PLD5: variants seen among roughly 807,000 people sequenced by gnomAD.
The protein encoded by PLD5 is inactive phospholipase D5.
PLD5 carries 36 observed loss-of-function variants against 61.1 expected under a neutral mutation model. The observed-to-expected ratio is 0.59, with a 90% confidence interval of 0.45 to 0.78. The LOEUF is 0.78. Ranked by LOEUF, PLD5 falls within the 30% of genes least tolerant of loss-of-function variation. PLD5 has a pLI of 0.00. For synonymous variants in PLD5, 243 were observed against 242.8 expected (o/e 1.00, Z -0.01); for missense variants, 515 against 644.4 (o/e 0.80, Z 2.17).
chr1:242,421,903 A>C (rs1558552878), intron 1 of PLD5, among the ~76,000 whole-genome samples: 1 of 152,368 alleles, frequency 6.6e-6, no homozygotes, highest in South Asian at 2.1e-4. Flanking sequence ...GTTTAACAGT[A>C]TGTGTCCAGA....
At chr1:242,488,804 T>A (rs1387565252) in intron 1 of PLD5, among the ~76,000 whole-genome samples, 1 of 152,164 alleles carries the variant, frequency 6.6e-6, no homozygotes, top group African/African-American at 2.4e-5. Context: ...ATGCAAGATA[T>A]TAATGATAAG....
intron 1 of PLD5, among the ~76,000 whole-genome samples, chr1:242,505,060 G>A (rs1390180997): frequency 6.6e-6 from 1 of 152,210 alleles, no homozygotes; most frequent in Non-Finnish European, 1.5e-5. Context: ...AGGAGGCTGA[G>A]GTGGGAGGAT....
chr1:242,351,442 G>T (rs543269844), intron 1 of PLD5, among the ~76,000 whole-genome samples: 1 of 152,272 alleles, frequency 6.6e-6, no homozygotes, highest in Admixed American at 6.5e-5. Context: ...ATGGGGGTCG[G>T]TTTTTCCCAT....
rs763708663 is a variant in PLD5, at chr1:242,089,878, G to A, written c.1587C>T (p.Gly529=). ...GTTATACGTTCCGGGGATCCTTTCCGCCTGTGTCGTCTGTGGCAGTTTTGT... is the reference window on the plus strand; with the variant it reads ...GTTATACGTTCCGGGGATCCTTTCCACCTGTGTCGTCTGTGGCAGTTTTGT... ...LSNKTATDDT[G]GKDPRNV The change falls in exon 10 of 10, where the codon GGC becomes GGT. Residue 529 remains glycine, a synonymous_variant. Coordinates refer to ENST00000536534, the MANE Select transcript of PLD5 (RefSeq NM_001372062.1). 20 of 1,613,952 alleles carry A rather than the reference G, an allele frequency of 1.2e-5. No homozygotes were observed. The highest frequency in any genetic ancestry group is 5.3e-5 in the African/African-American group (4 of 74,886).
intron 1 of PLD5, among the ~76,000 whole-genome samples, chr1:242,421,667 T>C (rs772808115): frequency 1.3e-5 from 2 of 152,216 alleles, no homozygotes; most frequent in Non-Finnish European, 2.9e-5. Flanking sequence ...TGGGAAGTTT[T>C]TAGATGGCAG....
chr1:242,089,821 AT>A lies in PLD5; in HGVS notation c.*32del. On this transcript the variant is annotated 3_prime_UTR_variant, in exon 10 of 10. Coordinates refer to ENST00000536534, the MANE Select transcript of PLD5 (RefSeq NM_001372062.1). ...CAAGTCCTTTATGTATAAATATGAA[AT>A]ACAGAGCTGTCCTGTCAGTTTCTTC... The A allele has an allele frequency of 6.2e-7, 1 of 1,612,242 alleles. No homozygotes were observed. Among genetic ancestry groups the A allele is most frequent in the Non-Finnish European group, 8.5e-7 (1 of 1,178,422 alleles).
chr1:242,427,224 T>C (rs1349746314), intron 1 of PLD5, among the ~76,000 whole-genome samples: 1 of 152,166 alleles, frequency 6.6e-6, no homozygotes, highest in Non-Finnish European at 1.5e-5. Flanking sequence ...ATCAGTATAT[T>C]ATGTCATTCA....
intron 1 of PLD5, among the ~76,000 whole-genome samples, chr1:242,515,724 C>G (rs1414930098): frequency 6.6e-6 from 1 of 152,156 alleles, no homozygotes; most frequent in Non-Finnish European, 1.5e-5. Context: ...GGGATGCATC[C>G]TACTGTGAAC....
At chr1:242,285,798 A>G (rs1289094112) in intron 3 of PLD5, among the ~76,000 whole-genome samples, 1 of 152,034 alleles carries the variant, frequency 6.6e-6, no homozygotes, top group Non-Finnish European at 1.5e-5. Flanking sequence ...ACAATAATCT[A>G]TTCTCCATTT....
chr1:242,471,028 A>G (rs147321569), intron 1 of PLD5, among the ~76,000 whole-genome samples: 153 of 152,338 alleles, frequency 1.0e-3, no homozygotes, highest in Non-Finnish European at 2.0e-3. Flanking sequence ...TTCTTTGAGC[A>G]GTGAGAGAGT....
Position 242,089,686 on chromosome 1 carries a change from A to C in PLD5, c.*168T>G. ...TACAAAAGTCTTAATTTTAGTGTAC[A>C]CGACGCTAAGATATTGTTAGATAGG... On this transcript the variant is annotated 3_prime_UTR_variant, in exon 10 of 10. Coordinates refer to ENST00000536534, the MANE Select transcript of PLD5 (RefSeq NM_001372062.1). 1.2e-6 allele frequency: 1 copy of C among 814,546 alleles called. No individual in the cohort carries two copies. Among genetic ancestry groups the C allele is most frequent in the Non-Finnish European group, 1.9e-6 (1 of 524,958 alleles). 50.5% of individuals were successfully genotyped at this position (814,546 alleles called of 1,614,324 possible).
intron 5 of PLD5, among the ~76,000 whole-genome samples, chr1:242,190,184 C>T (rs566610113): frequency 2.5e-3 from 304 of 119,428 alleles, no homozygotes; most frequent in African/African-American, 9.3e-3. Context: ...CTCGCTCTGT[C>T]GCCCAGGCTG....
intron 4 of PLD5, among the ~76,000 whole-genome samples, chr1:242,241,043 G>A (rs944284502): frequency 2.6e-5 from 4 of 152,156 alleles, no homozygotes; most frequent in African/African-American, 7.2e-5. Context: ...ATTTGCGTTG[G>A]CCTCATTAAA....
At chr1:242,241,885 A>ATATATATATATATATACTTACTG (rs1672040426) in intron 4 of PLD5, among the ~76,000 whole-genome samples, 2 of 33,142 alleles carry the variant, frequency 6.0e-5, no homozygotes, top group African/African-American at 2.2e-4. Flanking sequence ...ATATATATAT[A>ATATATATATATATATACTTACTG]TATATATATA....
intron 5 of PLD5, among the ~76,000 whole-genome samples, chr1:242,213,081 C>T (rs1486806917): frequency 6.6e-6 from 1 of 152,198 alleles, no homozygotes; most frequent in Non-Finnish European, 1.5e-5. Context: ...AATTTGCAAC[C>T]TATGAAACCC....
Position 242,262,478 on chromosome 1 carries a change from T to A in PLD5, c.607+2859A>T, listed in dbSNP as rs183358205. On this transcript the variant is annotated intron_variant, in intron 4 of 9. Coordinates refer to ENST00000536534, the MANE Select transcript of PLD5 (RefSeq NM_001372062.1). ...TTCCTCAGGCATCCTCACACCTGCA[T>A]GCAATTTGGGGGAACACGTAAGGTG... Among the ~76,000 whole-genome samples the A allele has an allele frequency of 3.9e-5, 6 of 152,322 alleles. No individual in the cohort carries two copies. The East Asian group carries it at 1.2e-3, about 29-fold the overall frequency.
chr1:242,289,027 C>T (rs1675196499), intron 2 of PLD5, among the ~76,000 whole-genome samples: 3 of 152,156 alleles, frequency 2.0e-5, no homozygotes, highest in Admixed American at 1.3e-4. Flanking sequence ...TCTACTGATG[C>T]TTCCTAGCCT....
chr1:242,258,795 T>C (rs2917439), intron 4 of PLD5, among the ~76,000 whole-genome samples: 85,698 of 152,046 alleles, frequency 0.56, 25,040 homozygotes, highest in East Asian at 0.77. Context: ...ATAGCACCGT[T>C]GACACTCTTG....
intron 3 of PLD5, among the ~76,000 whole-genome samples, chr1:242,277,661 C>T (rs901923870): frequency 1.3e-5 from 2 of 149,188 alleles, no homozygotes; most frequent in African/African-American, 4.9e-5. Context: ...AAGATGCTTA[C>T]GTTGTAATGT....
Sources: gnomAD v4.1 joint callset for allele counts (sites outside exome capture counted in the v4.1 genomes callset) on GRCh38, gnomAD v4.1.1 for gene constraint, MANE v1.5 for transcripts, NCBI Gene and HGNC (gene_info 2026-07-23, HGNC 2026-07-21) for gene names.